The following DKK2 variants were observed in gnomAD, a reference collection of about 807,000 sequenced individuals.
The protein encoded by DKK2 is dickkopf Wnt signaling pathway inhibitor 2.
In DKK2, 11 loss-of-function variants were observed where a neutral mutation model predicts 28.1. The observed-to-expected ratio is 0.39, with a 90% confidence interval of 0.25 to 0.65. The LOEUF is 0.65. Ranked by LOEUF, DKK2 falls within the 30% of genes least tolerant of loss-of-function variation. The pLI, the probability that DKK2 is intolerant of heterozygous loss-of-function variation, is 0.47. For missense variants in DKK2, 326 were observed against 335.5 expected (o/e 0.97, Z 0.22); for synonymous variants, 135 against 126.5 (o/e 1.07, Z -0.45).
chr4:106,970,668 A>G (rs1343026652), intron 1 of DKK2, among the ~76,000 whole-genome samples: 1 of 151,976 alleles, frequency 6.6e-6, no homozygotes, highest in African/African-American at 2.4e-5. Context: ...TTGTTTGTGG[A>G]CTGCTATATT....
intron 1 of DKK2, among the ~76,000 whole-genome samples, chr4:106,928,159 T>C (rs1388484703): frequency 1.3e-5 from 2 of 152,176 alleles, no homozygotes; most frequent in Non-Finnish European, 2.9e-5. Flanking sequence ...AAATATCTGA[T>C]GCAGATGACA....
rs971998524 is a variant in DKK2 at position 106,922,540 on chromosome 4, A to G, written c.*1414T>C. ...AAACCGAAACTAGCCCTTTGGCAAT[A>G]AAGCAGATGCTGCAGAGGTTTGGGA... On this transcript the variant is annotated 3_prime_UTR_variant, in exon 4 of 4. Coordinates refer to ENST00000285311, the MANE Select transcript of DKK2 (RefSeq NM_014421.3). The G allele has an allele frequency of 6.6e-6, 1 of 152,198 alleles. No individual in the cohort carries two copies. Among genetic ancestry groups the G allele is most frequent in the South Asian group, 2.1e-4 (1 of 4,830 alleles). 9.4% of individuals were successfully genotyped at this position (152,198 alleles called of 1,614,324 possible). A position where few individuals can be genotyped will look rare whatever the true frequency, so the allele number is the denominator to read the frequency against.
intron 1 of DKK2, among the ~76,000 whole-genome samples, chr4:106,945,472 T>C: frequency 6.6e-6 from 1 of 152,116 alleles, no homozygotes; most frequent in East Asian, 1.9e-4. Flanking sequence ...TTAAACAGCA[T>C]CTGTACATAG....
chr4:107,014,976 G>T (rs1723573675), intron 1 of DKK2, among the ~76,000 whole-genome samples: 1 of 151,334 alleles, frequency 6.6e-6, no homozygotes, highest in South Asian at 2.1e-4. Flanking sequence ...ACATTATCTT[G>T]ATCATGAACA....
At chr4:106,941,724 G>A (rs1407211805) in intron 1 of DKK2, among the ~76,000 whole-genome samples, 1 of 152,058 alleles carries the variant, frequency 6.6e-6, no homozygotes, top group Non-Finnish European at 1.5e-5. Flanking sequence ...TAAGCATCCT[G>A]CTAGAAGTGT....
At chr4:107,018,924 C>T (rs2110372400) in intron 1 of DKK2, among the ~76,000 whole-genome samples, 1 of 152,162 alleles carries the variant, frequency 6.6e-6, no homozygotes, top group South Asian at 2.1e-4. Flanking sequence ...TTGCAATCTG[C>T]TACCTTTCAG....
At chr4:107,027,942 C>T (rs1384577300) in intron 1 of DKK2, among the ~76,000 whole-genome samples, 1 of 151,730 alleles carries the variant, frequency 6.6e-6, no homozygotes. Context: ...TTAGTAGAGA[C>T]GGGGTTTCAC....
intron 1 of DKK2, among the ~76,000 whole-genome samples, chr4:107,009,794 G>C (rs1338407043): frequency 1.3e-5 from 2 of 151,706 alleles, no homozygotes; most frequent in Non-Finnish European, 3.0e-5. Context: ...TATCAAAGTG[G>C]AATCAGGCAT....
At chr4:106,965,371 G>C (rs974390358) in intron 1 of DKK2, among the ~76,000 whole-genome samples, 2 of 152,014 alleles carry the variant, frequency 1.3e-5, no homozygotes, top group African/African-American at 2.4e-5. Flanking sequence ...ATTTCTAAAG[G>C]TTTGGCAGGA....
At chr4:106,964,694 T>A (rs576404625) in intron 1 of DKK2, among the ~76,000 whole-genome samples, 165 of 152,230 alleles carry the variant, frequency 1.1e-3, no homozygotes, top group African/African-American at 3.6e-3. Context: ...ATAATCAGTT[T>A]TCTTTAAGTG....
intron 1 of DKK2, among the ~76,000 whole-genome samples, chr4:106,941,516 T>C (rs980001961): frequency 6.6e-6 from 1 of 152,178 alleles, no homozygotes; most frequent in East Asian, 1.9e-4. Context: ...GGTAAGGATA[T>C]GTGTTCCATG....
intron 1 of DKK2, among the ~76,000 whole-genome samples, chr4:107,023,806 A>G (rs1303969739): frequency 6.6e-6 from 1 of 152,108 alleles, no homozygotes. Flanking sequence ...TCAAAAACCA[A>G]TAAAACCTAT....
At chr4:106,977,967 T>C (rs1478254752) in intron 1 of DKK2, among the ~76,000 whole-genome samples, 2 of 152,340 alleles carry the variant, frequency 1.3e-5, no homozygotes, top group South Asian at 2.1e-4. Context: ...CCTTTCTTTT[T>C]GTTAGTTTTC....
Position 107,009,373 on chromosome 4 carries a change from C to T in DKK2, c.222+25997G>A, listed in dbSNP as rs567789151. On this transcript the variant is annotated intron_variant, in intron 1 of 3. Transcript: ENST00000285311. ...AAGGACCTTAGCTAATCTGGACTGG[C>T]AGCAATCAGAACCACTGAAACTTGG... is the stretch of plus-strand genomic sequence containing the variant. 2.6e-5 allele frequency among the ~76,000 whole-genome samples: 4 copies of T among 152,024 alleles called. No individual in the cohort carries two copies. In the East Asian group the frequency reaches 7.7e-4, roughly 29 times the overall value.
intron 1 of DKK2, among the ~76,000 whole-genome samples, chr4:106,995,407 A>C (rs1723257121): frequency 6.6e-6 from 1 of 152,182 alleles, no homozygotes; most frequent in South Asian, 2.1e-4. Context: ...ACATGTGATA[A>C]AAGTCTCAAT....
rs1209348887 is a variant in DKK2 at position 106,964,991 on chromosome 4, AGATAGATAGATAGATT to A, written c.223-39058_223-39043del. ...TAGATAGATAGATAGATAGATAGAT[AGATAGATAGATAGATT>A]GATTGATTCTGATTCTCTGGAAACT... On this transcript the variant is annotated intron_variant, in intron 1 of 3. Coordinates refer to ENST00000285311, the MANE Select transcript of DKK2 (RefSeq NM_014421.3). Among the ~76,000 whole-genome samples the A allele has an allele frequency of 2.6e-3, 387 of 150,452 alleles. 3 individuals carry two copies. The highest frequency in any genetic ancestry group is 8.5e-3 in the African/African-American group (341 of 40,340).
chr4:107,020,730 A>G (rs1723679535), intron 1 of DKK2, among the ~76,000 whole-genome samples: 2 of 152,060 alleles, frequency 1.3e-5, no homozygotes, highest in Admixed American at 6.6e-5. Context: ...ATCTAAAACA[A>G]TTGAACTCAT....
intron 1 of DKK2, among the ~76,000 whole-genome samples, chr4:106,992,831 G>C (rs1374240239): frequency 6.6e-6 from 1 of 152,126 alleles, no homozygotes; most frequent in Non-Finnish European, 1.5e-5. Context: ...ACTTAAAACA[G>C]GGCCTGGCTG....
In DKK2 at chr4:107,035,995, A is replaced by C. The variant is rs185952239; in HGVS notation, c.-404T>G. On this transcript the variant is annotated 5_prime_UTR_variant, in exon 1 of 4. Coordinates refer to ENST00000285311, the MANE Select transcript of DKK2 (RefSeq NM_014421.3). Reference sequence around the variant, plus strand: ...TTAACTCTCCTCTTAATTGATCAGGAGGCCCGCATCAGCTCCTTCTCCTTC... The same window carrying C: ...TTAACTCTCCTCTTAATTGATCAGGCGGCCCGCATCAGCTCCTTCTCCTTC... 378 of 219,826 alleles carry C rather than the reference A, an allele frequency of 1.7e-3. 2 individuals are homozygous for C. Among genetic ancestry groups the C allele is most frequent in the African/African-American group, 7.9e-3 (344 of 43,558 alleles). The allele number at this position is 219,826 out of a possible 1,614,324, so 13.6% of individuals were successfully genotyped here. A position where few individuals can be genotyped will look rare whatever the true frequency, so the allele number is the denominator to read the frequency against.
Sources: allele counts gnomAD v4.1 joint callset (sites outside exome capture counted in the v4.1 genomes callset), GRCh38; gene constraint gnomAD v4.1.1; transcripts MANE v1.5; gene names NCBI Gene and HGNC (gene_info 2026-07-23, HGNC 2026-07-21).